Variants in FNDC3B observed in about 807,000 individuals in gnomAD.
FNDC3B encodes fibronectin type III domain-containing protein 3B.
A neutral mutation model predicts 151.5 loss-of-function variants in FNDC3B; 12 were observed. The observed-to-expected ratio is 0.08, with a 90% confidence interval of 0.05 to 0.13. The LOEUF (loss-of-function observed/expected upper bound fraction) is 0.13. Among genes scored for constraint, FNDC3B ranks in the 10% least tolerant of loss-of-function variants. The pLI is 1.00. For synonymous variants in FNDC3B, 528 were observed against 549.0 expected, an observed-to-expected ratio of 0.96 and a Z score of 0.54; for missense variants, 1,214 against 1,505.3, an observed-to-expected ratio of 0.81 and a Z score of 3.20.
chr3:172,105,336 A>G (rs1374240236), intron 1 of FNDC3B, among the ~76,000 whole-genome samples: 1 of 152,162 alleles, frequency 6.6e-6, no homozygotes, highest in Non-Finnish European at 1.5e-5. Context: ...AATCAGCTGC[A>G]CAAATGTTTG....
At chr3:172,048,300 C>A (rs1716465253) in intron 1 of FNDC3B, among the ~76,000 whole-genome samples, 2 of 151,942 alleles carry the variant, frequency 1.3e-5, no homozygotes, top group South Asian at 4.2e-4. Flanking sequence ...CATTCTATAC[C>A]TTCTATATCT....
chr3:172,184,719 A>T (rs1724083898), intron 3 of FNDC3B, among the ~76,000 whole-genome samples: 1 of 152,218 alleles, frequency 6.6e-6, no homozygotes, highest in Non-Finnish European at 1.5e-5. Flanking sequence ...CATTCTAATT[A>T]TTCCTGAGTT....
chr3:172,309,860 A>G (rs1731379776), intron 10 of FNDC3B, among the ~76,000 whole-genome samples: 1 of 152,224 alleles, frequency 6.6e-6, no homozygotes, highest in Non-Finnish European at 1.5e-5. Context: ...TATTGATATT[A>G]AACAGCTAGC....
Position 172,362,853 on chromosome 3 carries a change from G to T in FNDC3B, c.3008+8G>T. The T allele has an allele frequency of 6.2e-7, 1 of 1,605,852 alleles. No individual in the cohort carries two copies. The highest frequency in any genetic ancestry group is 8.5e-7 in the Non-Finnish European group (1 of 1,174,098). ...GGAGGACAGAAACAAGAGGTGAGGT[G>T]GGGGTGAGGATGCTCCTGAAGCTTC... is the stretch of plus-strand genomic sequence containing the variant. On this transcript the variant is annotated splice_region_variant and intron_variant, in intron 23 of 25. Coordinates refer to ENST00000415807, the MANE Select transcript of FNDC3B (RefSeq NM_022763.4).
intron 1 of FNDC3B, among the ~76,000 whole-genome samples, chr3:172,053,410 T>G (rs1388011097): frequency 6.6e-6 from 1 of 152,242 alleles, no homozygotes; most frequent in African/African-American, 2.4e-5. Context: ...TGTTCCCAGG[T>G]GGCTGAATAC....
intron 6 of FNDC3B, among the ~76,000 whole-genome samples, chr3:172,280,065 C>T (rs898161330): frequency 1.3e-5 from 2 of 152,140 alleles, no homozygotes; most frequent in African/African-American, 2.4e-5. Flanking sequence ...CAGGCATGTG[C>T]CACCAAGCCC....
At chr3:172,215,644 A>T (rs1360058325) in intron 3 of FNDC3B, among the ~76,000 whole-genome samples, 1 of 152,162 alleles carries the variant, frequency 6.6e-6, no homozygotes, top group East Asian at 1.9e-4. Flanking sequence ...GAATTACTTA[A>T]ACCCAGGAGG....
At chr3:172,226,977 C>G in intron 4 of FNDC3B, 30 bp downstream of exon 4, 1 of 1,372,468 alleles carries the variant, frequency 7.3e-7, no homozygotes, top group Non-Finnish European at 1.0e-6. Context: ...TCTCTACTCA[C>G]TATGGACACT....
At chr3:172,293,173 A>G (rs115090335) in intron 7 of FNDC3B, among the ~76,000 whole-genome samples, 105 of 152,324 alleles carry the variant, frequency 6.9e-4, no homozygotes, top group African/African-American at 2.4e-3. Flanking sequence ...CCATTAAATG[A>G]GTAAACAAAG....
At chr3:172,311,529 A>G (rs1056509257) in intron 11 of FNDC3B, among the ~76,000 whole-genome samples, 1 of 152,036 alleles carries the variant, frequency 6.6e-6, no homozygotes, top group Non-Finnish European at 1.5e-5. Context: ...TACACACAGA[A>G]TCTCAGGCAG....
At chr3:172,266,662 T>C (rs1265084084) in intron 6 of FNDC3B, among the ~76,000 whole-genome samples, 8 of 152,190 alleles carry the variant, frequency 5.3e-5, no homozygotes, top group Admixed American at 5.2e-4. Context: ...TGGCACTCTT[T>C]TGCTTGTAGC....
At chr3:172,192,953 A>C (rs1724611193) in intron 3 of FNDC3B, among the ~76,000 whole-genome samples, 1 of 152,152 alleles carries the variant, frequency 6.6e-6, no homozygotes, top group African/African-American at 2.4e-5. Flanking sequence ...TATTATCTGT[A>C]GAGTTTCAGT....
At chr3:172,041,999 A>T (rs915759944) in intron 1 of FNDC3B, among the ~76,000 whole-genome samples, 6 of 150,300 alleles carry the variant, frequency 4.0e-5, no homozygotes, top group African/African-American at 1.2e-4. Flanking sequence ...ATAGTTGATT[A>T]AAAAAAAAAT....
At chr3:172,140,719 TGAG>T (rs1387384576) in intron 3 of FNDC3B, among the ~76,000 whole-genome samples, 1 of 152,230 alleles carries the variant, frequency 6.6e-6, no homozygotes, top group Admixed American at 6.5e-5. Flanking sequence ...TGTAATGTCA[TGAG>T]GCTGGGTTAC....
intron 3 of FNDC3B, among the ~76,000 whole-genome samples, chr3:172,133,818 T>G (rs1721230800): frequency 6.6e-6 from 1 of 152,164 alleles, no homozygotes; most frequent in Non-Finnish European, 1.5e-5. Flanking sequence ...ATAACAACAT[T>G]TATTAACTCA....
intron 16 of FNDC3B, among the ~76,000 whole-genome samples, chr3:172,340,114 G>A (rs1486542151): frequency 6.6e-6 from 1 of 152,226 alleles, no homozygotes; most frequent in Non-Finnish European, 1.5e-5. Context: ...GGAATTGTGA[G>A]TCAGGCAGGC....
intron 4 of FNDC3B, chr3:172,237,571 T>C (rs776486371): frequency 3.3e-5 from 5 of 152,214 alleles, no homozygotes; most frequent in Non-Finnish European, 7.3e-5. Flanking sequence ...CACTCCAGCC[T>C]GGGCAACACA....
Position 172,288,075 on chromosome 3 carries a change from C to T in FNDC3B, c.849+2091C>T, listed in dbSNP as rs190386215. On this transcript the variant is annotated intron_variant, in intron 7 of 25. Coordinates refer to ENST00000415807, the MANE Select transcript of FNDC3B (RefSeq NM_022763.4). ...CCCCTGAATCATGTAGATAACTCCC[C>T]TTGTTTTCATTTGGTGCTCACTTAG... 2.1e-3 allele frequency among the ~76,000 whole-genome samples: 317 copies of T among 152,306 alleles called. 1 individual carries two copies. Among genetic ancestry groups the T allele is most frequent in the Admixed American group, 4.4e-3 (67 of 15,296 alleles).
intron 1 of FNDC3B, among the ~76,000 whole-genome samples, chr3:172,104,922 T>C (rs971868397): frequency 2.6e-5 from 4 of 152,238 alleles, no homozygotes; most frequent in Non-Finnish European, 4.4e-5. Context: ...AAATGACAAC[T>C]ATTTTCAGAG....
Sources: allele counts gnomAD v4.1 joint callset (sites outside exome capture counted in the v4.1 genomes callset), GRCh38; gene constraint gnomAD v4.1.1; transcripts MANE v1.5; gene names NCBI Gene and HGNC (gene_info 2026-07-23, HGNC 2026-07-21).